HPSE2: variants seen among roughly 807,000 people sequenced by gnomAD.
HPSE2 encodes the protein heparanase 2 (inactive).
A neutral mutation model predicts 60.5 loss-of-function variants in HPSE2; 38 were observed. The ratio of observed to expected loss-of-function variants is 0.63; its 90% CI spans 0.48 to 0.82. HPSE2 has a LOEUF of 0.82. Ranked by LOEUF, HPSE2 falls within the 40% of genes least tolerant of loss-of-function variation. The probability of loss-of-function intolerance (pLI) is 0.00; values close to 1 mark genes in which losing one functional copy is unlikely to be tolerated. For missense variants in HPSE2, 713 were observed against 740.4 expected, an observed-to-expected ratio of 0.96 and a Z score of 0.43; for synonymous variants, 295 against 293.2, an observed-to-expected ratio of 1.01 and a Z score of -0.06.
chr10:98,896,106 A>G (rs1953485162), intron 3 of HPSE2, among the ~76,000 whole-genome samples: 2 of 151,980 alleles, frequency 1.3e-5, no homozygotes, highest in Admixed American at 1.3e-4. Flanking sequence ...AAAAAGAAAA[A>G]AAAAACCTCA....
chr10:99,055,324 A>C (rs1958085835), intron 3 of HPSE2, among the ~76,000 whole-genome samples: 1 of 152,162 alleles, frequency 6.6e-6, no homozygotes, highest in South Asian at 2.1e-4. Context: ...CAAATAAAAT[A>C]CTAGAACTGG....
At chr10:98,732,767 C>T (rs1271693527) in intron 4 of HPSE2, among the ~76,000 whole-genome samples, 1 of 151,976 alleles carries the variant, frequency 6.6e-6, no homozygotes. Context: ...AGTAAAACCT[C>T]ATAAATTGAA....
chr10:98,484,417 T>C (rs541231986), intron 10 of HPSE2, among the ~76,000 whole-genome samples: 2 of 152,346 alleles, frequency 1.3e-5, no homozygotes, highest in African/African-American at 2.4e-5. Context: ...TTTGTATTTT[T>C]AGTAGAGATG....
At chr10:99,060,201 C>T (rs905272399) in intron 3 of HPSE2, among the ~76,000 whole-genome samples, 2 of 151,950 alleles carry the variant, frequency 1.3e-5, no homozygotes, top group African/African-American at 2.4e-5. Flanking sequence ...GTCCTTGAGG[C>T]ATATATTTGG....
chr10:98,663,130 C>T (rs1298827563), intron 6 of HPSE2, among the ~76,000 whole-genome samples: 2 of 152,096 alleles, frequency 1.3e-5, no homozygotes, highest in East Asian at 3.9e-4. Flanking sequence ...ATGTTCTGGG[C>T]ATAACGAAAA....
intron 11 of HPSE2, among the ~76,000 whole-genome samples, chr10:98,466,419 C>A (rs1471737188): frequency 6.6e-6 from 1 of 152,032 alleles, no homozygotes; most frequent in Non-Finnish European, 1.5e-5. Context: ...CGAGACCAGC[C>A]TGGTCAACAT....
chr10:99,098,615 C>G (rs763398583), intron 3 of HPSE2, among the ~76,000 whole-genome samples: 1 of 152,112 alleles, frequency 6.6e-6, no homozygotes, highest in African/African-American at 2.4e-5. Flanking sequence ...ATCATCTGTT[C>G]CATTTAGGTA....
At chr10:99,164,855 G>A (rs374355862) in intron 2 of HPSE2, among the ~76,000 whole-genome samples, 5 of 151,988 alleles carry the variant, frequency 3.3e-5, no homozygotes, top group African/African-American at 9.7e-5. Flanking sequence ...GGAGGCCGAC[G>A]TGGGCGGATC....
chr10:99,290,121 T>A, the HPSE2 span, among the ~76,000 whole-genome samples: 3 of 152,342 alleles, frequency 2.0e-5, no homozygotes, highest in Admixed American at 6.5e-5. Context: ...AAAATATATT[T>A]GATTAAAATT....
chr10:98,967,891 C>G (rs1955853108), intron 3 of HPSE2, among the ~76,000 whole-genome samples: 3 of 151,966 alleles, frequency 2.0e-5, no homozygotes, highest in Admixed American at 2.0e-4. Flanking sequence ...GAGGGAATAT[C>G]TGACCAGTAA....
chr10:99,096,455 T>A (rs1017951696), intron 3 of HPSE2, among the ~76,000 whole-genome samples: 3 of 152,150 alleles, frequency 2.0e-5, no homozygotes, highest in Admixed American at 6.5e-5. Context: ...AAAACTGAGG[T>A]CCAAGGTTGT....
intron 3 of HPSE2, among the ~76,000 whole-genome samples, chr10:99,065,432 C>A (rs1342577): frequency 0.49 from 74,150 of 151,150 alleles, 19,787 homozygotes; most frequent in East Asian, 0.65. Flanking sequence ...TAGTAAAAAA[C>A]AAAACAAAAC....
intron 3 of HPSE2, among the ~76,000 whole-genome samples, chr10:99,019,896 G>C (rs1957224414): frequency 6.6e-6 from 1 of 151,910 alleles, no homozygotes; most frequent in Non-Finnish European, 1.5e-5. Context: ...ATTTTTAGTA[G>C]AGATGGGGTT....
At chr10:98,482,580 C>T (rs940333317) in intron 11 of HPSE2, 56 bp downstream of exon 11, 10 of 1,609,298 alleles carry the variant, frequency 6.2e-6, no homozygotes, top group African/African-American at 2.7e-5. Flanking sequence ...TTCAGCCTCC[C>T]CCTCCCTCAG....
At chr10:99,278,212 T>A in the HPSE2 span, among the ~76,000 whole-genome samples, 4 of 152,092 alleles carry the variant, frequency 2.6e-5, no homozygotes, top group African/African-American at 9.7e-5. Flanking sequence ...GAAAAAAAAG[T>A]TTGGAAGATA....
intron 3 of HPSE2, among the ~76,000 whole-genome samples, chr10:99,064,588 G>A (rs1842552917): frequency 7.6e-6 from 1 of 130,920 alleles, no homozygotes; most frequent in African/African-American, 2.7e-5. Context: ...TCAATTATGG[G>A]GAAAATATTT....
intron 3 of HPSE2, among the ~76,000 whole-genome samples, chr10:99,082,050 C>A (rs1843163193): frequency 6.6e-6 from 1 of 152,106 alleles, no homozygotes; most frequent in Non-Finnish European, 1.5e-5. Flanking sequence ...ACGGTTAATC[C>A]TTCTTTCAAA....
chr10:99,156,486 C>A (rs1416014381), intron 2 of HPSE2, among the ~76,000 whole-genome samples: 6 of 133,380 alleles, frequency 4.5e-5, no homozygotes, highest in Non-Finnish European at 8.3e-5. Context: ...ATAAACAGAG[C>A]CAAAGACAAA....
intron 10 of HPSE2, among the ~76,000 whole-genome samples, chr10:98,489,823 T>C (rs1349256312): frequency 1.3e-5 from 2 of 152,262 alleles, no homozygotes. Flanking sequence ...GCAAGAATTT[T>C]AGGAACCTTT....
Sources: gnomAD v4.1 joint callset for allele counts (sites outside exome capture counted in the v4.1 genomes callset) on GRCh38, gnomAD v4.1.1 for gene constraint, MANE v1.5 for transcripts, NCBI Gene and HGNC (gene_info 2026-07-23, HGNC 2026-07-21) for gene names.